SREBF2: variants seen among roughly 807,000 people sequenced by gnomAD.
SREBF2 encodes sterol regulatory element-binding protein 2.
A neutral mutation model predicts 113.1 loss-of-function variants in SREBF2; 55 were observed. That is an observed-to-expected ratio of 0.49 (90% CI 0.39 to 0.61). The LOEUF is 0.61. SREBF2 is among the 20% of genes least tolerant of loss of function. The pLI is 0.00. For synonymous variants in SREBF2, 593 were observed against 605.7 expected (o/e 0.98, Z 0.31); for missense variants, 1,349 against 1,487.4 (o/e 0.91, Z 1.53).
chr22:41,887,944 G>A (rs1167348294), intron 11 of SREBF2, among the ~76,000 whole-genome samples: 1 of 152,192 alleles, frequency 6.6e-6, no homozygotes, highest in Non-Finnish European at 1.5e-5. Context: ...AATTTGGATA[G>A]TCTGTTTCGT....
At chr22:41,883,482 A>G (rs2077269334) in intron 10 of SREBF2, among the ~76,000 whole-genome samples, 1 of 152,090 alleles carries the variant, frequency 6.6e-6, no homozygotes, top group Admixed American at 6.6e-5. Flanking sequence ...TGCCCTTGGG[A>G]CAGAATAAGC....
chr22:41,857,140 G>A (rs2076984668), intron 1 of SREBF2, among the ~76,000 whole-genome samples: 1 of 152,034 alleles, frequency 6.6e-6, no homozygotes, highest in African/African-American at 2.4e-5. Context: ...GAAGATGTTC[G>A]TCACTGGGTA....
chr22:41,905,433 C>G lies in SREBF2; in HGVS notation c.3206-7C>G. On this transcript the variant is annotated splice_region_variant and splice_polypyrimidine_tract_variant and intron_variant, in intron 18 of 18. Transcript: ENST00000361204. ...TCTCGGTTGTGACACACATCTCCTT[C>G]CCACAGGAGAGGTGGATGCCTGGCC... The G allele has an allele frequency of 6.4e-7, 1 of 1,566,366 alleles. No individual in the cohort carries two copies. Among genetic ancestry groups the G allele is most frequent in the Non-Finnish European group, 8.6e-7 (1 of 1,157,538 alleles).
rs111872321 is a variant in SREBF2, at chr22:41,899,965, G to T, written c.2739-365G>T. Reference sequence around the variant, plus strand: ...CCAGAGAGTTTAATACCACATCTCTGGGGGGGTGGTCCCTTAAAGAACGGG... The same window carrying T: ...CCAGAGAGTTTAATACCACATCTCTTGGGGGGTGGTCCCTTAAAGAACGGG... On this transcript the variant is annotated intron_variant, in intron 15 of 18. Transcript: ENST00000361204. 3,639 of 1,191,410 alleles carry T rather than the reference G, an allele frequency of 3.1e-3. 115 individuals are homozygous for T. In the African/African-American group the frequency reaches 0.054, roughly 18 times the overall value. The allele number at this position is 1,191,410 out of a possible 1,614,324, so 73.8% of individuals were successfully genotyped here. A position where few individuals can be genotyped will look rare whatever the true frequency, so the allele number is the denominator to read the frequency against.
intron 11 of SREBF2, 119 bp from the exon 12 acceptor site, chr22:41,892,998 C>T: frequency 1.6e-6 from 2 of 1,254,484 alleles, no homozygotes; most frequent in South Asian, 2.4e-5. Flanking sequence ...TATCCCTGTG[C>T]TGATCTTTCC....
Position 41,833,685 on chromosome 22 carries a change from C to T in SREBF2, c.88+327C>T, listed in dbSNP as rs2076739623. 4.3e-6 allele frequency: 1 copy of T among 232,284 alleles called. No individual in the cohort carries two copies. The highest frequency in any genetic ancestry group is 8.4e-6 in the Non-Finnish European group (1 of 119,618). The allele number at this position is 232,284 out of a possible 1,614,324, so 14.4% of individuals were successfully genotyped here. ...AGGAGAGCGCGTGGCCGCCGCCTCC[C>T]TCGCGCGCCCACACGCGGTTTCCGT... On this transcript the variant is annotated intron_variant, in intron 1 of 18. Transcript: ENST00000361204. This position sits in a 1 kb window ranked among gnomAD's most constrained non-coding sequence, Gnocchi z 4.1.
intron 8 of SREBF2, among the ~76,000 whole-genome samples, chr22:41,877,725 A>G (rs1357336955): frequency 6.6e-6 from 1 of 152,244 alleles, no homozygotes; most frequent in Admixed American, 6.5e-5. Flanking sequence ...TGCAAAACCA[A>G]TGCCTCAACC....
chr22:41,864,394 C>T (rs1409536431), intron 1 of SREBF2, among the ~76,000 whole-genome samples: 1 of 141,368 alleles, frequency 7.1e-6, no homozygotes, highest in African/African-American at 2.6e-5. Flanking sequence ...GATCTCTGCT[C>T]ACTGCAAGCT....
intron 17 of SREBF2, 97 bp from the exon 18 acceptor site, chr22:41,904,766 C>A: frequency 2.1e-6 from 2 of 941,380 alleles, no homozygotes; most frequent in Non-Finnish European, 3.4e-6. Context: ...GAAGGGATGT[C>A]ATGAGGTGGC....
chr22:41,891,988 C>T (rs945703397), intron 11 of SREBF2, among the ~76,000 whole-genome samples: 1 of 152,234 alleles, frequency 6.6e-6, no homozygotes, highest in Non-Finnish European at 1.5e-5. Flanking sequence ...GGCCCAGTGA[C>T]CGGGGCCCTG....
intron 9 of SREBF2, chr22:41,878,611 G>A (rs942965676): frequency 1.6e-6 from 2 of 1,223,674 alleles, no homozygotes; most frequent in East Asian, 1.1e-4. Flanking sequence ...ACCAGGAAAG[G>A]TTTTTGAGCA....
At chr22:41,904,628 C>G (rs898226901) in intron 17 of SREBF2, 7 of 689,682 alleles carry the variant, frequency 1.0e-5, no homozygotes, top group African/African-American at 3.5e-5. Context: ...TTGGGAAAAG[C>G]AGGCCTTTTG....
intron 15 of SREBF2, chr22:41,899,696 C>G (rs1195718944): frequency 1.8e-6 from 1 of 565,552 alleles, no homozygotes; most frequent in Non-Finnish European, 2.3e-6. Context: ...TGTGTCTCCC[C>G]CAGTCGATGT....
intron 1 of SREBF2, among the ~76,000 whole-genome samples, chr22:41,844,280 A>G (rs908580232): frequency 2.6e-5 from 4 of 152,136 alleles, no homozygotes; most frequent in Non-Finnish European, 4.4e-5. Context: ...TTTTGGCTCT[A>G]TTTAAAAATG....
chr22:41,870,465 A>C (rs965321993), intron 3 of SREBF2, among the ~76,000 whole-genome samples: 9 of 152,114 alleles, frequency 5.9e-5, no homozygotes, highest in Non-Finnish European at 1.3e-4. Flanking sequence ...CTCTACAAAA[A>C]AATACAAACA....
intron 11 of SREBF2, among the ~76,000 whole-genome samples, chr22:41,891,043 G>T (rs1444878424): frequency 1.3e-5 from 2 of 152,002 alleles, no homozygotes; most frequent in Non-Finnish European, 2.9e-5. Context: ...TTGGGCCCTC[G>T]TGAGGGACCA....
At chr22:41,902,885 G>T in intron 16 of SREBF2, 85 bp from the exon 17 acceptor site, 3 of 1,423,720 alleles carry the variant, frequency 2.1e-6, no homozygotes, top group Non-Finnish European at 1.9e-6. Context: ...GTGTTGGTCT[G>T]GGGAGAGGCC....
chr22:41,873,736 T>C, intron 4 of SREBF2, 62 bp from the exon 5 acceptor site: 1 of 1,527,572 alleles, frequency 6.5e-7, no homozygotes, highest in Non-Finnish European at 8.9e-7. Context: ...AGGTCTGTGT[T>C]GAGGTTGCTT....
At chr22:41,897,990 G>T (rs796576516) in intron 14 of SREBF2, among the ~76,000 whole-genome samples, 3 of 152,306 alleles carry the variant, frequency 2.0e-5, no homozygotes, top group African/African-American at 7.2e-5. Context: ...AGCTTAGGTT[G>T]TATCCATCTT....
Sources: allele counts gnomAD v4.1 joint callset (sites outside exome capture counted in the v4.1 genomes callset), GRCh38; gene constraint gnomAD v4.1.1; non-coding constraint Gnocchi (gnomAD v3.1); transcripts MANE v1.5; gene names NCBI Gene and HGNC (gene_info 2026-07-23, HGNC 2026-07-21).